Variants in PAX7 observed in about 807,000 individuals in gnomAD.
The protein encoded by PAX7 is paired box 7.
PAX7 carries 18 observed loss-of-function variants against 50.7 expected under a neutral mutation model. The ratio of observed to expected loss-of-function variants is 0.36; its 90% CI spans 0.25 to 0.53. The LOEUF (loss-of-function observed/expected upper bound fraction) is 0.53. PAX7 is among the 20% of genes least tolerant of loss of function. The pLI is 0.93. For synonymous variants in PAX7, 310 were observed against 290.4 expected (o/e 1.07, Z -0.69); for missense variants, 644 against 702.9 (o/e 0.92, Z 0.95).
chr1:18,722,410 G>A (rs187362972), intron 7 of PAX7, among the ~76,000 whole-genome samples: 6 of 152,174 alleles, frequency 3.9e-5, no homozygotes, highest in South Asian at 4.2e-4. Context: ...CTCCACCACC[G>A]TCCCCAGCCT....
At chr1:18,664,385 G>A (rs528353771) in intron 4 of PAX7, among the ~76,000 whole-genome samples, 68 of 152,268 alleles carry the variant, frequency 4.5e-4, no homozygotes, top group African/African-American at 1.6e-3. Flanking sequence ...TCCAAACCTC[G>A]GGGAGGCCGG....
intron 4 of PAX7, among the ~76,000 whole-genome samples, chr1:18,665,655 G>A (rs1422285390): frequency 6.8e-6 from 1 of 146,316 alleles, no homozygotes; most frequent in Non-Finnish European, 1.5e-5. Flanking sequence ...TTACAGGCGT[G>A]AGCCACTGCG....
Position 18,636,418 on chromosome 1 carries a change from C to T in PAX7, c.586+47C>T. The T allele has an allele frequency of 2.5e-6, 4 of 1,599,758 alleles. 1 individual carries two copies. In the South Asian group the frequency reaches 4.4e-5, roughly 18 times the overall value. ...CGAGGCCCCAGCCCGGGTTTTCCCA[C>T]GCTCCGGTGTGCGGGCCAGTGGTTC... On this transcript the variant is annotated intron_variant, in intron 4 of 8. Coordinates refer to ENST00000420770, the MANE Select transcript of PAX7 (RefSeq NM_001135254.2). The surrounding 1 kb of genome is among the most constrained non-coding windows in gnomAD (Gnocchi z 5.1).
rs1341693778 is a variant in PAX7 at position 18,726,170 on chromosome 1, G to C, written c.1156-9462G>C. On this transcript the variant is annotated intron_variant, in intron 7 of 8. Coordinates refer to ENST00000420770, the MANE Select transcript of PAX7 (RefSeq NM_001135254.2). The surrounding 1 kb of genome is among the most constrained non-coding windows in gnomAD (Gnocchi z 4.8). ...AGTGTGTGTGTGTGTGTGTGTGTGT[G>C]TGTGTGTGTCTTTGACTTCTTGGAC... Among the ~76,000 whole-genome samples, 1 of 138,620 alleles carries C rather than the reference G, an allele frequency of 7.2e-6. No individual in the cohort carries two copies. The highest frequency in any genetic ancestry group is 2.8e-5 in the African/African-American group (1 of 36,114). The allele number at this position is 138,620 out of a possible 152,430, so 90.9% of individuals were successfully genotyped here. A position where few individuals can be genotyped will look rare whatever the true frequency, so the allele number is the denominator to read the frequency against.
At chr1:18,633,885 A>G (rs904410177) in intron 1 of PAX7, among the ~76,000 whole-genome samples, 14 of 152,208 alleles carry the variant, frequency 9.2e-5, no homozygotes, top group Non-Finnish European at 1.9e-4. Context: ...CCTGCAGCCC[A>G]AGCTTCGGCC....
intron 5 of PAX7, 34 bp downstream of exon 5, chr1:18,691,987 T>C: frequency 6.3e-7 from 1 of 1,589,656 alleles, no homozygotes; most frequent in South Asian, 1.1e-5. Context: ...GTGCTGCAGA[T>C]ATACTCCAGA....
intron 4 of PAX7, among the ~76,000 whole-genome samples, chr1:18,656,406 C>T (rs1056791849): frequency 6.6e-6 from 1 of 151,506 alleles, no homozygotes; most frequent in Non-Finnish European, 1.5e-5. Flanking sequence ...GGCTGAGGCA[C>T]GAGAATCACT....
At chr1:18,684,946 G>T (rs960678618) in intron 4 of PAX7, among the ~76,000 whole-genome samples, 1 of 152,146 alleles carries the variant, frequency 6.6e-6, no homozygotes, top group Non-Finnish European at 1.5e-5. Context: ...GTCAGCTCCT[G>T]GTCCTCTGTG....
In PAX7 at chr1:18,645,141, C is replaced by A. The variant is rs146326147; in HGVS notation, c.586+8770C>A. Reference sequence around the variant, plus strand: ...TGTGAATGGTGTGTGAGTGTGTGTGCGCGCGCGCGCGTGCGTGCGCACGAC... The same window carrying A: ...TGTGAATGGTGTGTGAGTGTGTGTGAGCGCGCGCGCGTGCGTGCGCACGAC... On this transcript the variant is annotated intron_variant, in intron 4 of 8. Transcript: ENST00000420770. 1.2e-3 allele frequency among the ~76,000 whole-genome samples: 189 copies of A among 152,090 alleles called. 2 individuals are homozygous for A. Among genetic ancestry groups the A allele is most frequent in the African/African-American group, 4.3e-3 (179 of 41,508 alleles).
intron 4 of PAX7, among the ~76,000 whole-genome samples, chr1:18,659,837 C>T (rs1342616530): frequency 6.6e-6 from 1 of 152,178 alleles, no homozygotes; most frequent in Non-Finnish European, 1.5e-5. Context: ...GGATCAATCC[C>T]GTAGGTCCGT....
At chr1:18,672,911 T>G (rs985944126) in intron 4 of PAX7, among the ~76,000 whole-genome samples, 5 of 152,034 alleles carry the variant, frequency 3.3e-5, no homozygotes, top group Non-Finnish European at 7.4e-5. Context: ...GCCAGAGCAC[T>G]GGTATTTTAT....
intron 4 of PAX7, among the ~76,000 whole-genome samples, chr1:18,639,790 A>G (rs909975830): frequency 4.6e-5 from 7 of 152,296 alleles, no homozygotes; most frequent in African/African-American, 1.7e-4. Flanking sequence ...AGTGACAAAC[A>G]ATAAGAACAC....
In PAX7 at chr1:18,632,318, C is replaced by T. The variant is rs965278257; in HGVS notation, c.85+630C>T. Among the ~76,000 whole-genome samples the T allele has an allele frequency of 6.6e-6, 1 of 152,166 alleles. No individual in the cohort carries two copies. Among genetic ancestry groups the T allele is most frequent in the Admixed American group, 6.5e-5 (1 of 15,288 alleles). ...ACTCTGGAAATCTCCCGGGAGAGAA[C>T]CTCTAAACGGCGAGGTTTAGAGAAC... is the stretch of plus-strand genomic sequence containing the variant. On this transcript the variant is annotated intron_variant, in intron 1 of 8. Transcript: ENST00000420770. The surrounding 1 kb of genome is among the most constrained non-coding windows in gnomAD (Gnocchi z 6.3).
chr1:18,647,574 T>G (rs2088366043), intron 4 of PAX7, among the ~76,000 whole-genome samples: 1 of 151,926 alleles, frequency 6.6e-6, no homozygotes, highest in Non-Finnish European at 1.5e-5. Context: ...TAATTTTGAG[T>G]GAAGCATTCT....
chr1:18,727,751 C>G (rs1481167193), intron 7 of PAX7, among the ~76,000 whole-genome samples: 1 of 152,148 alleles, frequency 6.6e-6, no homozygotes, highest in Non-Finnish European at 1.5e-5. Context: ...GAGAGGGAAC[C>G]AGGAGTCAGG....
chr1:18,736,515 T>C (rs1930662414), intron 8 of PAX7, among the ~76,000 whole-genome samples: 1 of 151,490 alleles, frequency 6.6e-6, no homozygotes, highest in African/African-American at 2.4e-5. Flanking sequence ...TTATTTTTAC[T>C]AACATTTTAT....
At chr1:18,729,356 T>A (rs1296962104) in intron 7 of PAX7, among the ~76,000 whole-genome samples, 1 of 152,122 alleles carries the variant, frequency 6.6e-6, no homozygotes, top group African/African-American at 2.4e-5. Flanking sequence ...GTGGCAGTAA[T>A]CCCTGGGGTG....
intron 4 of PAX7, among the ~76,000 whole-genome samples, chr1:18,646,605 C>A (rs2088343443): frequency 6.6e-6 from 1 of 152,146 alleles, no homozygotes; most frequent in African/African-American, 2.4e-5. Context: ...CCCTCCCCGC[C>A]GCCCTCTCGG....
Position 18,636,400 on chromosome 1 carries a change from C to T in PAX7, c.586+29C>T. On this transcript the variant is annotated intron_variant, in intron 4 of 8. Transcript: ENST00000420770. This position sits in a 1 kb window ranked among gnomAD's most constrained non-coding sequence, Gnocchi z 5.1. ...GGGAACTTCCCTGGGCTGCGAGGCC[C>T]CAGCCCGGGTTTTCCCACGCTCCGG... 2.5e-6 allele frequency: 4 copies of T among 1,606,092 alleles called. No individual in the cohort carries two copies. Among genetic ancestry groups the T allele is most frequent in the Non-Finnish European group, 3.4e-6 (4 of 1,174,820 alleles).
Sources: gnomAD v4.1 joint callset for allele counts (sites outside exome capture counted in the v4.1 genomes callset) on GRCh38, gnomAD v4.1.1 for gene constraint, Gnocchi (gnomAD v3.1) non-coding constraint, MANE v1.5 for transcripts, NCBI Gene and HGNC (gene_info 2026-07-23, HGNC 2026-07-21) for gene names.